SGCZ: variants seen among roughly 807,000 people sequenced by gnomAD.
SGCZ encodes the protein sarcoglycan zeta.
Under a neutral mutation model 41.3 loss-of-function variants are expected in SGCZ, and 40 were observed. The observed-to-expected ratio is 0.97, with a 90% confidence interval of 0.75 to 1.26. The LOEUF (loss-of-function observed/expected upper bound fraction) is 1.26. SGCZ is among the 50% of genes most tolerant of loss of function. SGCZ has a pLI of 0.00. For synonymous variants in SGCZ, 206 were observed against 137.5 expected, an observed-to-expected ratio of 1.50 and a Z score of -3.49; for missense variants, 552 against 369.8, an observed-to-expected ratio of 1.49 and a Z score of -4.04.
At chr8:14,922,002 C>A (rs1373173963) in intron 1 of SGCZ, among the ~76,000 whole-genome samples, 1 of 152,062 alleles carries the variant, frequency 6.6e-6, no homozygotes, top group African/African-American at 2.4e-5. Context: ...ATATTCAAAT[C>A]ACTTTTTATT....
At chr8:14,894,919 T>A (rs1470401236) in intron 1 of SGCZ, among the ~76,000 whole-genome samples, 2 of 152,078 alleles carry the variant, frequency 1.3e-5, no homozygotes, top group Non-Finnish European at 2.9e-5. Context: ...TATTAAAAAA[T>A]TTGATTTATG....
chr8:14,987,854 T>C (rs1801877271), intron 1 of SGCZ, among the ~76,000 whole-genome samples: 1 of 152,050 alleles, frequency 6.6e-6, no homozygotes, highest in African/African-American at 2.4e-5. Flanking sequence ...TTAATACGTG[T>C]ATTAAATTGC....
chr8:14,651,625 T>G (rs1807401550), intron 1 of SGCZ, among the ~76,000 whole-genome samples: 1 of 152,116 alleles, frequency 6.6e-6, no homozygotes, highest in Non-Finnish European at 1.5e-5. Flanking sequence ...AACACAACTT[T>G]TTGAACTGCA....
chr8:15,206,452 C>CTTTTTTTTTTTTTTTTT (rs3069943), intron 1 of SGCZ, among the ~76,000 whole-genome samples: 1 of 144,380 alleles, frequency 6.9e-6, no homozygotes, highest in Non-Finnish European at 1.5e-5. Context: ...TCTGGGGAGT[C>CTTTTTTTTTTTTTTTTT]TTTTTTTTTT....
At chr8:15,163,208 T>G (rs184829876) in intron 1 of SGCZ, among the ~76,000 whole-genome samples, 2 of 152,326 alleles carry the variant, frequency 1.3e-5, no homozygotes, top group East Asian at 1.9e-4. Context: ...TATATAACAT[T>G]TATCATGTGT....
chr8:14,737,597 T>C (rs1374234954), intron 1 of SGCZ, among the ~76,000 whole-genome samples: 1 of 152,110 alleles, frequency 6.6e-6, no homozygotes, highest in Non-Finnish European at 1.5e-5. Context: ...AGGCTGGAAG[T>C]CTAAGATCAA....
At chr8:14,172,721 G>A (rs182236005) in intron 4 of SGCZ, among the ~76,000 whole-genome samples, 6 of 152,188 alleles carry the variant, frequency 3.9e-5, no homozygotes, top group East Asian at 3.9e-4. Context: ...AGAGCCCATC[G>A]GTGTTGGCAG....
At chr8:14,158,174 A>C (rs1035483162) in intron 5 of SGCZ, among the ~76,000 whole-genome samples, 1 of 152,154 alleles carries the variant, frequency 6.6e-6, no homozygotes, top group African/African-American at 2.4e-5. Context: ...AGAAAAAACA[A>C]GCCTAGAGAG....
At chr8:14,765,524 T>G (rs1003257745) in intron 1 of SGCZ, among the ~76,000 whole-genome samples, 2 of 152,206 alleles carry the variant, frequency 1.3e-5, no homozygotes, top group Non-Finnish European at 2.9e-5. Flanking sequence ...ACAAATGCAC[T>G]GTTTCCTGGC....
chr8:14,372,691 G>A (rs1186182516), intron 2 of SGCZ, among the ~76,000 whole-genome samples: 1 of 152,086 alleles, frequency 6.6e-6, no homozygotes, highest in Non-Finnish European at 1.5e-5. Context: ...GAGATATCTG[G>A]AGAAAACACA....
intron 1 of SGCZ, among the ~76,000 whole-genome samples, chr8:15,064,863 C>T (rs1247308748): frequency 6.6e-6 from 1 of 152,150 alleles, no homozygotes; most frequent in Non-Finnish European, 1.5e-5. Flanking sequence ...AGAGCAGGAT[C>T]TAGACCAAAC....
intron 1 of SGCZ, among the ~76,000 whole-genome samples, chr8:14,698,983 C>A (rs927678274): frequency 6.6e-6 from 1 of 151,614 alleles, no homozygotes; most frequent in Non-Finnish European, 1.5e-5. Context: ...AAATAAAATA[C>A]GGTAATAAAC....
intron 2 of SGCZ, among the ~76,000 whole-genome samples, chr8:14,554,520 C>T (rs1803970745): frequency 6.6e-6 from 1 of 151,854 alleles, no homozygotes; most frequent in Non-Finnish European, 1.5e-5. Context: ...TCTAAATTTC[C>T]CACACTTAAA....
At chr8:14,266,186 T>A (rs910371863) in intron 3 of SGCZ, among the ~76,000 whole-genome samples, 1 of 152,002 alleles carries the variant, frequency 6.6e-6, no homozygotes, top group African/African-American at 2.4e-5. Flanking sequence ...ATAATCAAAC[T>A]CTCAAAGTCT....
chr8:14,262,383 C>G (rs572514364), intron 3 of SGCZ, among the ~76,000 whole-genome samples: 2 of 152,166 alleles, frequency 1.3e-5, no homozygotes, highest in East Asian at 1.9e-4. Context: ...CTTATATTAT[C>G]TAATGCAGTA....
chr8:14,333,060 T>A (rs1802393688), intron 2 of SGCZ, among the ~76,000 whole-genome samples: 2 of 151,968 alleles, frequency 1.3e-5, no homozygotes, highest in Admixed American at 6.6e-5. Flanking sequence ...AAAAAATATA[T>A]TTTTCTACAG....
At chr8:14,283,333 C>T (rs1219934655) in intron 3 of SGCZ, among the ~76,000 whole-genome samples, 1 of 152,188 alleles carries the variant, frequency 6.6e-6, no homozygotes, top group Non-Finnish European at 1.5e-5. Flanking sequence ...TCTCCATCCA[C>T]TTTCCTCTGT....
At chr8:14,377,232 T>C (rs755049194) in intron 2 of SGCZ, among the ~76,000 whole-genome samples, 10 of 152,176 alleles carry the variant, frequency 6.6e-5, no homozygotes, top group Non-Finnish European at 1.2e-4. Context: ...TCATGCTTCC[T>C]AATAGAACTT....
intron 1 of SGCZ, among the ~76,000 whole-genome samples, chr8:14,852,276 C>A (rs146631749): frequency 4.3e-4 from 66 of 152,196 alleles, no homozygotes; most frequent in African/African-American, 1.6e-3. Flanking sequence ...CAAGAACCAT[C>A]TGAAAGGTAG....
Sources: gnomAD v4.1 joint callset for allele counts (sites outside exome capture counted in the v4.1 genomes callset) on GRCh38, gnomAD v4.1.1 for gene constraint, MANE v1.5 for transcripts, NCBI Gene and HGNC (gene_info 2026-07-23, HGNC 2026-07-21) for gene names.